Variants in THSD4 observed in about 807,000 individuals in gnomAD.
THSD4 encodes the protein thrombospondin type-1 domain-containing protein 4.
In THSD4, 69 loss-of-function variants were observed where a neutral mutation model predicts 119.0. The ratio of observed to expected loss-of-function variants is 0.58; its 90% CI spans 0.48 to 0.71. THSD4 has a LOEUF of 0.71. THSD4 is among the 30% of genes least tolerant of loss of function. THSD4 has a pLI of 0.00. For synonymous variants in THSD4, 524 were observed against 540.4 expected (o/e 0.97, Z 0.42); for missense variants, 1,393 against 1,391.1 (o/e 1.00, Z -0.02).
At chr15:71,169,340 T>C (rs964559319) in intron 3 of THSD4, among the ~76,000 whole-genome samples, 11 of 152,212 alleles carry the variant, frequency 7.2e-5, no homozygotes, top group African/African-American at 2.7e-4. Flanking sequence ...GGAGTTTAAA[T>C]GGTAAACCAC....
At chr15:71,172,704 T>TATATATATATATATATATATATATGTGAC (rs2043389074) in intron 3 of THSD4, among the ~76,000 whole-genome samples, 1 of 107,732 alleles carries the variant, frequency 9.3e-6, no homozygotes, top group African/African-American at 4.6e-5. Context: ...TATATATATA[T>TATATATATATATATATATATATATGTGAC]ATATATATAT....
rs963762643 is a variant in THSD4 at position 71,777,518 on chromosome 15, T to C, written c.*144T>C. The C allele has an allele frequency of 5.2e-6, 6 of 1,160,992 alleles. No homozygotes were observed. The East Asian group carries it at 1.5e-4, about 30-fold the overall frequency. 71.9% of individuals were successfully genotyped at this position (1,160,992 alleles called of 1,614,324 possible). A position where few individuals can be genotyped will look rare whatever the true frequency, so the allele number is the denominator to read the frequency against. The stretch of plus-strand genomic sequence containing the variant: ...AGTCACCACCCCTGCCTCCGGTGAA[T>C]GCACCCCGTGGTACCCAGGGGCTTT... On this transcript the variant is annotated 3_prime_UTR_variant, in exon 18 of 18. Coordinates refer to ENST00000261862, the MANE Select transcript of THSD4 (RefSeq NM_024817.3).
At chr15:71,454,507 C>T (rs1460506276) in intron 7 of THSD4, among the ~76,000 whole-genome samples, 3 of 152,152 alleles carry the variant, frequency 2.0e-5, no homozygotes, top group Admixed American at 6.5e-5. Flanking sequence ...CCAAGGAGCC[C>T]GAGGCCCCGC....
chr15:71,536,773 A>C (rs1045195452), intron 7 of THSD4, among the ~76,000 whole-genome samples: 19 of 152,134 alleles, frequency 1.2e-4, no homozygotes, highest in African/African-American at 4.6e-4. Flanking sequence ...ATGATGTAGA[A>C]TCTTTGATGT....
intron 6 of THSD4, among the ~76,000 whole-genome samples, chr15:71,267,185 A>C (rs1054215590): frequency 1.3e-5 from 2 of 152,240 alleles, no homozygotes; most frequent in African/African-American, 4.8e-5. Context: ...GTTGAAATGA[A>C]GGAAAAAATG....
chr15:71,716,581 T>TGTGTGTGTGTGTGTGTGTGTG (rs1567116002), intron 8 of THSD4, among the ~76,000 whole-genome samples: 1 of 43,336 alleles, frequency 2.3e-5, no homozygotes, highest in Non-Finnish European at 5.6e-5. Context: ...TGTGTGTGTG[T>TGTGTGTGTGTGTGTGTGTGTG]TGGTTTTTGT....
chr15:71,335,040 C>T (rs964523030), intron 6 of THSD4, among the ~76,000 whole-genome samples: 4 of 152,164 alleles, frequency 2.6e-5, no homozygotes, highest in Non-Finnish European at 2.9e-5. Context: ...GGAGGGTGAG[C>T]GCACTCTTGG....
intron 1 of THSD4, among the ~76,000 whole-genome samples, chr15:71,137,910 G>A (rs2040566044): frequency 1.3e-5 from 2 of 152,192 alleles, no homozygotes; most frequent in Admixed American, 1.3e-4. Flanking sequence ...CAGTAAGGTT[G>A]CAAATCTGTT....
In THSD4 at chr15:71,497,192, G is replaced by T. The variant is rs373700350; in HGVS notation, c.1152+85369G>T. ...TTTCCAAAATGCTGTGTTAATAAGA[G>T]AAGGGGAATATGGCTATGTGTCTGA... is the stretch of plus-strand genomic sequence containing the variant. On this transcript the variant is annotated intron_variant, in intron 7 of 17. Coordinates refer to ENST00000261862, the MANE Select transcript of THSD4 (RefSeq NM_024817.3). Among the ~76,000 whole-genome samples the T allele has an allele frequency of 3.3e-5, 5 of 152,202 alleles. No individual in the cohort carries two copies. The East Asian group carries it at 9.6e-4, about 29-fold the overall frequency.
chr15:71,595,712 T>C (rs1215181886), intron 7 of THSD4, among the ~76,000 whole-genome samples: 1 of 152,068 alleles, frequency 6.6e-6, no homozygotes, highest in Admixed American at 6.6e-5. Context: ...TGGAGAACAT[T>C]CTCCCTTGAA....
intron 12 of THSD4, 94 bp downstream of exon 12, chr15:71,745,329 T>C (rs1228094697): frequency 6.8e-7 from 1 of 1,476,008 alleles, no homozygotes; most frequent in Admixed American, 2.1e-5. Flanking sequence ...TCAGTCTAAA[T>C]CTGAGTTAGA....
At chr15:71,678,285 A>C (rs547662362) in intron 8 of THSD4, among the ~76,000 whole-genome samples, 1 of 152,364 alleles carries the variant, frequency 6.6e-6, no homozygotes, top group South Asian at 2.1e-4. Flanking sequence ...ACGTTTAATA[A>C]ATATAGTTGA....
intron 4 of THSD4, among the ~76,000 whole-genome samples, chr15:71,216,600 G>A (rs2043934910): frequency 6.6e-6 from 1 of 152,252 alleles, no homozygotes. Context: ...AGACAGAAGA[G>A]AGGAGTGAAG....
intron 1 of THSD4, among the ~76,000 whole-genome samples, chr15:71,106,032 A>C (rs890838111): frequency 6.6e-6 from 1 of 152,168 alleles, no homozygotes. Flanking sequence ...AACACATTGC[A>C]CTTGAAGCAC....
chr15:71,135,853 C>A (rs981610052), intron 1 of THSD4, among the ~76,000 whole-genome samples: 1 of 152,128 alleles, frequency 6.6e-6, no homozygotes, highest in South Asian at 2.1e-4. Context: ...CTTGCCCCTT[C>A]TCCTCCTCCC....
intron 7 of THSD4, among the ~76,000 whole-genome samples, chr15:71,562,724 C>G (rs1408456526): frequency 8.4e-6 from 1 of 119,080 alleles, no homozygotes; most frequent in Non-Finnish European, 1.7e-5. Context: ...TTTTCTGAAA[C>G]GGAGTTTGGC....
chr15:71,491,434 G>A lies in THSD4; in HGVS notation c.1152+79611G>A, dbSNP rs78088429. Among the ~76,000 whole-genome samples the A allele has an allele frequency of 4.7e-3, 716 of 152,328 alleles. 4 individuals carry two copies. Among genetic ancestry groups the A allele is most frequent in the African/African-American group, 0.016 (654 of 41,576 alleles). ...GGGGCATTAATGGTTTTATAAGAGA[G>A]AGACCTAAGCTAGCACGCTCAGCCC... On this transcript the variant is annotated intron_variant, in intron 7 of 17. Transcript: ENST00000261862.
chr15:71,744,852 T>A (rs1450154538), intron 11 of THSD4, among the ~76,000 whole-genome samples: 2 of 152,208 alleles, frequency 1.3e-5, no homozygotes. Flanking sequence ...TTAGACCGTG[T>A]CCACAAATAG....
intron 7 of THSD4, among the ~76,000 whole-genome samples, chr15:71,532,558 G>T (rs1427524425): frequency 6.6e-6 from 1 of 151,616 alleles, no homozygotes; most frequent in Non-Finnish European, 1.5e-5. Flanking sequence ...CTCGCAATCT[G>T]CCCGCCTTGG....
Sources: gnomAD v4.1 joint callset for allele counts (sites outside exome capture counted in the v4.1 genomes callset) on GRCh38, gnomAD v4.1.1 for gene constraint, MANE v1.5 for transcripts, NCBI Gene and HGNC (gene_info 2026-07-23, HGNC 2026-07-21) for gene names.